The following DGKB variants were observed in gnomAD, a reference collection of about 807,000 sequenced individuals.
DGKB encodes the protein 90 kDa diacylglycerol kinase.
Under a neutral mutation model 114.3 loss-of-function variants are expected in DGKB, and 67 were observed. The ratio of observed to expected loss-of-function variants is 0.59; its 90% CI spans 0.48 to 0.72. The LOEUF is 0.72. DGKB is among the 30% of genes least tolerant of loss of function. The pLI is 0.00. For synonymous variants in DGKB, 398 were observed against 323.1 expected, an observed-to-expected ratio of 1.23 and a Z score of -2.49; for missense variants, 907 against 975.2, an observed-to-expected ratio of 0.93 and a Z score of 0.93.
chr7:14,182,928 C>T (rs1184487179), intron 23 of DGKB, among the ~76,000 whole-genome samples: 1 of 152,138 alleles, frequency 6.6e-6, no homozygotes, highest in Non-Finnish European at 1.5e-5. Context: ...AAGGCTGGAG[C>T]AGAGTAGTAT....
At chr7:14,270,048 CAAAAAA>C (rs397889901) in intron 23 of DGKB, among the ~76,000 whole-genome samples, 4 of 52,844 alleles carry the variant, frequency 7.6e-5, no homozygotes, top group East Asian at 6.3e-4. Flanking sequence ...GCTTTTTTTG[CAAAAAA>C]AAAAAAAAAA....
chr7:14,678,063 GGAT>G (rs1820181448), intron 12 of DGKB, among the ~76,000 whole-genome samples: 1 of 151,960 alleles, frequency 6.6e-6, no homozygotes, highest in African/African-American at 2.4e-5. Flanking sequence ...GAGTATTACA[GGAT>G]GATATTATAA....
At chr7:14,572,824 G>C (rs1289111086) in intron 20 of DGKB, among the ~76,000 whole-genome samples, 1 of 152,176 alleles carries the variant, frequency 6.6e-6, no homozygotes, top group Non-Finnish European at 1.5e-5. Flanking sequence ...TATATTGTGT[G>C]ATTTTAAAAA....
intron 20 of DGKB, among the ~76,000 whole-genome samples, chr7:14,483,743 C>T (rs1783345258): frequency 6.6e-6 from 1 of 152,080 alleles, no homozygotes; most frequent in Non-Finnish European, 1.5e-5. Context: ...AGAGATTAGA[C>T]AGGAGGAGAC....
chr7:14,283,512 A>G (rs1445463476), intron 23 of DGKB, among the ~76,000 whole-genome samples: 2 of 150,092 alleles, frequency 1.3e-5, no homozygotes, highest in Non-Finnish European at 2.9e-5. Flanking sequence ...GGAAAAAACT[A>G]CTTTAAAGTT....
intron 23 of DGKB, among the ~76,000 whole-genome samples, chr7:14,269,511 A>G (rs537586021): frequency 1.6e-4 from 24 of 152,310 alleles, no homozygotes; most frequent in African/African-American, 5.3e-4. Flanking sequence ...CGGTTAGTAT[A>G]TATTTTGAAG....
intron 17 of DGKB, among the ~76,000 whole-genome samples, chr7:14,602,177 A>G (rs981354861): frequency 2.6e-5 from 4 of 152,172 alleles, no homozygotes; most frequent in Non-Finnish European, 1.5e-5. Context: ...AACAACAGAA[A>G]TGTTTTGATA....
chr7:14,833,829 A>G (rs757516556), intron 2 of DGKB, among the ~76,000 whole-genome samples: 6 of 151,672 alleles, frequency 4.0e-5, no homozygotes, highest in Non-Finnish European at 8.8e-5. Context: ...CCCCACCTCT[A>G]CTCAATACTT....
chr7:14,243,844 T>C (rs541410040), intron 23 of DGKB, among the ~76,000 whole-genome samples: 1 of 145,448 alleles, frequency 6.9e-6, no homozygotes, highest in East Asian at 1.9e-4. Flanking sequence ...ACAGCCATTG[T>C]CGTAACTTGA....
chr7:14,576,486 G>A (rs1396719987), intron 19 of DGKB, among the ~76,000 whole-genome samples: 1 of 151,742 alleles, frequency 6.6e-6, no homozygotes, highest in African/African-American at 2.4e-5. Flanking sequence ...CTGCTTTCAT[G>A]TCAGAATAAG....
chr7:14,827,915 G>T (rs1845912512), intron 2 of DGKB, among the ~76,000 whole-genome samples: 1 of 118,748 alleles, frequency 8.4e-6, no homozygotes, highest in Non-Finnish European at 1.7e-5. Flanking sequence ...ACAGAAATAT[G>T]AACTCCGAAA....
chr7:14,463,299 G>A (rs1325676835), intron 21 of DGKB, among the ~76,000 whole-genome samples: 1 of 152,184 alleles, frequency 6.6e-6, no homozygotes, highest in South Asian at 2.1e-4. Flanking sequence ...TGTAGGTGAC[G>A]GATCGATGGG....
chr7:14,438,358 G>A (rs997713314), intron 21 of DGKB, among the ~76,000 whole-genome samples: 4 of 152,014 alleles, frequency 2.6e-5, no homozygotes, highest in Non-Finnish European at 5.9e-5. Context: ...CGTCACATTT[G>A]GAGGACTCAG....
At chr7:14,895,209 G>A (rs529198719) in intron 1 of DGKB, among the ~76,000 whole-genome samples, 3 of 151,574 alleles carry the variant, frequency 2.0e-5, no homozygotes, top group Non-Finnish European at 4.4e-5. Context: ...AAAGCAATGT[G>A]GGAGTTATGT....
intron 21 of DGKB, among the ~76,000 whole-genome samples, chr7:14,410,466 C>T (rs1010593089): frequency 6.6e-6 from 1 of 151,988 alleles, no homozygotes; most frequent in Admixed American, 6.6e-5. Context: ...ATTTTATCTG[C>T]ATTCACTTAT....
At chr7:14,624,197 T>C (rs1418459678) in intron 14 of DGKB, among the ~76,000 whole-genome samples, 1 of 152,214 alleles carries the variant, frequency 6.6e-6, no homozygotes, top group Non-Finnish European at 1.5e-5. Context: ...AATGCATAGC[T>C]TGTGTTAGCT....
chr7:14,631,500 T>C (rs2128848317), intron 13 of DGKB, among the ~76,000 whole-genome samples: 1 of 152,074 alleles, frequency 6.6e-6, no homozygotes, highest in South Asian at 2.1e-4. Flanking sequence ...TGCAGATTTC[T>C]AGTCAAAAGA....
chr7:14,621,968 C>T (rs1378716076), intron 14 of DGKB, among the ~76,000 whole-genome samples: 1 of 152,014 alleles, frequency 6.6e-6, no homozygotes, highest in Admixed American at 6.6e-5. Flanking sequence ...AACTGACATT[C>T]CATCCCAGCT....
At chr7:14,846,007 T>A (rs1254914640) in intron 1 of DGKB, among the ~76,000 whole-genome samples, 2 of 152,208 alleles carry the variant, frequency 1.3e-5, no homozygotes, top group East Asian at 3.8e-4. Context: ...CACTTACACA[T>A]GACCACCAAG....
Sources: gnomAD v4.1 joint callset for allele counts (sites outside exome capture counted in the v4.1 genomes callset) on GRCh38, gnomAD v4.1.1 for gene constraint, MANE v1.5 for transcripts, NCBI Gene and HGNC (gene_info 2026-07-23, HGNC 2026-07-21) for gene names.